RYR1: variants seen among roughly 807,000 people sequenced by gnomAD.
The protein encoded by RYR1 is central core disease of muscle.
A neutral mutation model predicts 583.5 loss-of-function variants in RYR1; 342 were observed. The observed-to-expected ratio is 0.59, with a 90% confidence interval of 0.54 to 0.64. The LOEUF is 0.64. Among genes scored for constraint, RYR1 ranks in the 30% least tolerant of loss-of-function variants. The pLI, the probability that RYR1 is intolerant of heterozygous loss-of-function variation, is 0.00. For missense variants in RYR1, 6,032 were observed against 6,917.2 expected (o/e 0.87, Z 4.54); for synonymous variants, 2,791 against 2,822.5 (o/e 0.99, Z 0.35).
In RYR1 at chr19:38,483,084, G is replaced by A. The variant is rs767230160; in HGVS notation, c.4678G>A (p.Val1560Ile). The A allele has an allele frequency of 2.2e-5, 35 of 1,613,922 alleles. No individual in the cohort carries two copies. Among genetic ancestry groups the A allele is most frequent in the Non-Finnish European group, 2.7e-5 (32 of 1,180,024 alleles). The change falls in exon 32 of 106, where the codon GTC becomes ATC. Residue 1560 changes from valine to isoleucine, a missense_variant. Around this residue, in one of 11 missense-constraint regions of RYR1, gnomAD observed 2,627 missense variants for 2,961.3 expected, o/e 0.89. Coordinates refer to ENST00000359596, the MANE Select transcript of RYR1 (RefSeq NM_000540.3). The surrounding 1 kb of genome is among the most constrained non-coding windows in gnomAD (Gnocchi z 6.3). ...CTTCGTCCTGCCCACCCACCAGAAC[G>A]TCATCCAGTTTGAGCTGGGGAAGCA... ...AVFVLPTHQNVIQFELGKQKN... is the reference protein window; with the variant it reads ...AVFVLPTHQNIIQFELGKQKN...
intron 66 of RYR1, among the ~76,000 whole-genome samples, chr19:38,517,958 A>G (rs1971051203): frequency 6.6e-6 from 1 of 151,940 alleles, no homozygotes; most frequent in African/African-American, 2.4e-5. Flanking sequence ...ACAAAACAAA[A>G]CTTTTTTTTA....
chr19:38,484,744 A>C (rs892031360), intron 33 of RYR1, among the ~76,000 whole-genome samples: 1 of 151,512 alleles, frequency 6.6e-6, no homozygotes, highest in Admixed American at 6.6e-5. Context: ...AGGAGGAGGG[A>C]GGGTTGCTTG....
chr19:38,580,249 G>A, intron 100 of RYR1, 121 bp downstream of exon 100: 2 of 1,588,454 alleles, frequency 1.3e-6, no homozygotes, highest in South Asian at 2.2e-5. Context: ...CGCTGAGCCG[G>A]GGGTGTGTGG....
intron 31 of RYR1, among the ~76,000 whole-genome samples, chr19:38,479,545 C>T (rs1160430097): frequency 1.3e-5 from 2 of 151,550 alleles, no homozygotes; most frequent in African/African-American, 4.8e-5. Flanking sequence ...GTAGCTGGGA[C>T]TATAGGCATG....
chr19:38,514,385 A>G (rs141659378), intron 63 of RYR1, among the ~76,000 whole-genome samples: 7 of 149,474 alleles, frequency 4.7e-5, no homozygotes, highest in Non-Finnish European at 5.9e-5. Flanking sequence ...GGTTCAAGTG[A>G]TTCTCCTGCC....
rs1354630666 is a variant in RYR1, at chr19:38,546,540, A to G, written c.12094+14A>G. ...CGCTACTAGAAGGTAAACACCCAGG[A>G]GTGAGGGTGAGGGAACAGTAAAGAG... is the stretch of plus-strand genomic sequence containing the variant. On this transcript the variant is annotated intron_variant, in intron 88 of 105. Coordinates refer to ENST00000359596, the MANE Select transcript of RYR1 (RefSeq NM_000540.3). The G allele has an allele frequency of 1.2e-6, 2 of 1,607,438 alleles. No homozygotes were observed. The highest frequency in any genetic ancestry group is 8.5e-7 in the Non-Finnish European group (1 of 1,174,792).
At chr19:38,460,821 TA>T (rs918014961) in intron 20 of RYR1, among the ~76,000 whole-genome samples, 5 of 152,104 alleles carry the variant, frequency 3.3e-5, no homozygotes, top group African/African-American at 9.7e-5. Flanking sequence ...CTGTCTCTAC[TA>T]AAAATACAAA....
At chr19:38,478,924 C>T (rs1177355931) in intron 31 of RYR1, among the ~76,000 whole-genome samples, 1 of 152,182 alleles carries the variant, frequency 6.6e-6, no homozygotes, top group Non-Finnish European at 1.5e-5. Flanking sequence ...AGCACCACAA[C>T]AGCCGGCTAA....
Position 38,444,745 on chromosome 19 carries a change from G to T in RYR1, c.631+68G>T, listed in dbSNP as rs1972858323. 3.2e-6 allele frequency: 4 copies of T among 1,250,826 alleles called. No homozygotes were observed. In the South Asian group the frequency reaches 3.8e-5, roughly 12 times the overall value. 77.5% of individuals were successfully genotyped at this position (1,250,826 alleles called of 1,614,324 possible). On this transcript the variant is annotated intron_variant, in intron 7 of 105. Transcript: ENST00000359596. The surrounding 1 kb of genome is among the most constrained non-coding windows in gnomAD (Gnocchi z 5.1). ...ACAGACCCTTAATGTTGCCCTTCAGGCATACCCAAATGGAGCCTTGGAACC... is the reference window on the plus strand; with the variant it reads ...ACAGACCCTTAATGTTGCCCTTCAGTCATACCCAAATGGAGCCTTGGAACC...
chr19:38,469,075 A>G lies in RYR1; in HGVS notation c.3491A>G (p.Asn1164Ser), dbSNP rs1193678705. The change falls in exon 26 of 106, where the codon AAT (asparagine) becomes AGT (serine). Residue 1164 changes from asparagine to serine, a missense_variant. By Grantham distance (46) the Asn-to-Ser change is conservative (BLOSUM62 1). Transcript: ENST00000359596. Reference protein sequence around the residue: ...LTENTIIFTLNGEVLMSDSGS... With the variant: ...LTENTIIFTLSGEVLMSDSGS... ...GAGAACACCATTATCTTCACCCTCA[A>G]TGGCGAGGTCCTCATGTCTGACTCA... 3 of 1,613,984 alleles carry G rather than the reference A, an allele frequency of 1.9e-6. No homozygotes were observed. The highest frequency in any genetic ancestry group is 1.1e-5 in the South Asian group (1 of 91,080).
chr19:38,489,004 T>A (rs999738034), intron 34 of RYR1, among the ~76,000 whole-genome samples, 173 bp from the exon 35 acceptor site: 1 of 151,884 alleles, frequency 6.6e-6, no homozygotes, highest in Non-Finnish European at 1.5e-5. Context: ...GGGTGGATCT[T>A]AAGGAGGGTG....
rs369299704 is a variant in RYR1 at position 38,455,748 on chromosome 19, C to T, written c.1788C>T (p.His596=). Reference sequence around the variant, plus strand: ...TCCTGGACAAGCATGGGAGGAACCACAAGGTCGGCCCCTCACCCCTGACCT... The same window carrying T: ...TCCTGGACAAGCATGGGAGGAACCATAAGGTCGGCCCCTCACCCCTGACCT... ...ISLLDKHGRN[H]KVLDVLCSLC... The change falls in exon 16 of 106, where the codon CAC becomes CAT. Residue 596 remains histidine (H), a synonymous_variant. Coordinates refer to ENST00000359596, the MANE Select transcript of RYR1 (RefSeq NM_000540.3). 7 of 1,592,932 alleles carry T rather than the reference C, an allele frequency of 4.4e-6. No homozygotes were observed. The highest frequency in any genetic ancestry group is 5.2e-6 in the Non-Finnish European group (6 of 1,161,738).
intron 93 of RYR1, among the ~76,000 whole-genome samples, chr19:38,568,984 A>G (rs575160350): frequency 9.5e-4 from 145 of 152,246 alleles, no homozygotes; most frequent in Admixed American, 9.2e-4. Context: ...AGCCAGGGCA[A>G]CATAGGGAGA....
At chr19:38,519,108 G>A in intron 66 of RYR1, 106 bp from the exon 67 acceptor site, 1 of 1,580,634 alleles carries the variant, frequency 6.3e-7, no homozygotes, top group South Asian at 1.1e-5. Context: ...GGGGTCAAAT[G>A]GCAGCTGCTA....
intron 87 of RYR1, among the ~76,000 whole-genome samples, chr19:38,546,091 G>A (rs924963248): frequency 1.3e-5 from 2 of 152,092 alleles, no homozygotes; most frequent in African/African-American, 4.8e-5. Context: ...ACAGTGCTGG[G>A]CTCACATCCC....
chr19:38,505,547 A>G (rs1267820525), intron 53 of RYR1, 149 bp downstream of exon 53: 13 of 777,852 alleles, frequency 1.7e-5, no homozygotes, highest in Non-Finnish European at 2.8e-5. Flanking sequence ...CTTCTCTCAA[A>G]CTTGGTAGAG....
intron 88 of RYR1, among the ~76,000 whole-genome samples, chr19:38,547,901 C>T (rs188991380): frequency 1.3e-5 from 2 of 152,038 alleles, no homozygotes; most frequent in Non-Finnish European, 2.9e-5. Context: ...TTAATAGAGA[C>T]GGGGTTTCAC....
At chr19:38,523,638 T>C in intron 69 of RYR1, 1 of 577,026 alleles carries the variant, frequency 1.7e-6, no homozygotes, top group African/African-American at 1.9e-5. Context: ...CCCATTTCCC[T>C]CCTCCTCCTC....
intron 89 of RYR1, among the ~76,000 whole-genome samples, chr19:38,558,453 A>G (rs1972973764): frequency 6.6e-6 from 1 of 152,160 alleles, no homozygotes; most frequent in South Asian, 2.1e-4. Flanking sequence ...TAGTTCATCT[A>G]CCCCATAAAT....
Sources: gnomAD v4.1 joint callset for allele counts (sites outside exome capture counted in the v4.1 genomes callset) on GRCh38, gnomAD v4.1.1 for gene constraint, gnomAD v4.1.1 regional missense constraint, Gnocchi (gnomAD v3.1) non-coding constraint, MANE v1.5 for transcripts, NCBI Gene and HGNC (gene_info 2026-07-23, HGNC 2026-07-21) for gene names.